The following DLGAP4 variants were observed in gnomAD, a reference collection of about 807,000 sequenced individuals.
DLGAP4 encodes the protein DLG associated protein 4.
DLGAP4 carries 18 observed loss-of-function variants against 86.9 expected under a neutral mutation model. The observed-to-expected ratio is 0.21, with a 90% CI of 0.14 to 0.31. DLGAP4 has a LOEUF of 0.31. DLGAP4 is among the 10% of genes least tolerant of loss of function. DLGAP4 has a pLI of 1.00. For synonymous variants in DLGAP4, 548 were observed against 574.3 expected (o/e 0.95, Z 0.65); for missense variants, 1,085 against 1,362.6 (o/e 0.80, Z 3.21).
At chr20:36,371,666 G>A (rs150282616) in intron 2 of DLGAP4, among the ~76,000 whole-genome samples, 70 of 152,318 alleles carry the variant, frequency 4.6e-4, no homozygotes, top group Admixed American at 1.5e-3. Flanking sequence ...CAGCCACACC[G>A]TGGCGCCTGC....
intron 2 of DLGAP4, among the ~76,000 whole-genome samples, chr20:36,412,527 A>G (rs1341975354): frequency 6.6e-6 from 1 of 152,220 alleles, no homozygotes; most frequent in African/African-American, 2.4e-5. Flanking sequence ...CCTGGGTTCA[A>G]ATCCCAGCTC....
chr20:36,397,577 T>A (rs1381128762), intron 2 of DLGAP4, among the ~76,000 whole-genome samples: 2 of 152,242 alleles, frequency 1.3e-5, no homozygotes, highest in South Asian at 2.1e-4. Flanking sequence ...TTTCTTTTTT[T>A]AATATAAACA....
In DLGAP4 at chr20:36,500,140, C is replaced by G; in HGVS notation, c.2100-59C>G. The G allele has an allele frequency of 6.7e-7, 1 of 1,500,126 alleles. No homozygotes were observed. Among genetic ancestry groups the G allele is most frequent in the Non-Finnish European group, 8.9e-7 (1 of 1,121,456 alleles). The allele number at this position is 1,500,126 out of a possible 1,614,324, so 92.9% of individuals were successfully genotyped here. A position where few individuals can be genotyped will look rare whatever the true frequency, so the allele number is the denominator to read the frequency against. On this transcript the variant is annotated intron_variant, in intron 9 of 12. Transcript: ENST00000339266. The surrounding 1 kb of genome is among the most constrained non-coding windows in gnomAD (Gnocchi z 4.6). ...TCCGGGTCAAGGCGGCCTCTGGTCT[C>G]TGGCCCTCTTGGTGACTCACTCCTT...
chr20:36,331,371 A>G (rs1487661865), intron 1 of DLGAP4, among the ~76,000 whole-genome samples: 1 of 152,210 alleles, frequency 6.6e-6, no homozygotes, highest in Non-Finnish European at 1.5e-5. Context: ...CCTCCAGCTC[A>G]CCGATGGCCT....
chr20:36,426,463 C>T (rs978771895), intron 2 of DLGAP4, among the ~76,000 whole-genome samples: 3 of 151,570 alleles, frequency 2.0e-5, no homozygotes, highest in Non-Finnish European at 2.9e-5. Context: ...TGCAGTGAGC[C>T]GAGATCGCAC....
chr20:36,452,813 T>C (rs2033773482), intron 7 of DLGAP4, among the ~76,000 whole-genome samples: 2 of 151,350 alleles, frequency 1.3e-5, no homozygotes, highest in East Asian at 1.9e-4. Flanking sequence ...CTTGGCCTTT[T>C]TCTTGTGTAA....
At position 36,510,064 on chromosome 20, in the gene DLGAP4, T is replaced by C. The variant is rs1194325440; in HGVS notation, c.2512+9453T>C. The stretch of plus-strand genomic sequence containing the variant: ...GTTGGTCAGGCTGGTCTCGAACTCC[T>C]GACCTCAAGTGATCCGCCTGCCTCA... On this transcript the variant is annotated intron_variant, in intron 10 of 12. Coordinates refer to ENST00000339266, the MANE Select transcript of DLGAP4 (RefSeq NM_001365621.2). Among the ~76,000 whole-genome samples, 9 of 152,028 alleles carry C rather than the reference T, an allele frequency of 5.9e-5. No homozygotes were observed. In the East Asian group the frequency reaches 1.7e-3, roughly 30 times the overall value.
chr20:36,439,224 A>C (rs1162242857), intron 4 of DLGAP4, among the ~76,000 whole-genome samples: 1 of 152,118 alleles, frequency 6.6e-6, no homozygotes, highest in African/African-American at 2.4e-5. Context: ...CCCATTTTAG[A>C]GATGAGGAAA....
rs564425045 is a variant in DLGAP4, at chr20:36,325,536, G to A, written c.-304+19024G>A. Among the ~76,000 whole-genome samples the A allele has an allele frequency of 2.0e-5, 3 of 152,216 alleles. No homozygotes were observed. The South Asian group carries it at 6.2e-4, about 32-fold the overall frequency. ...ACTTGCTCTACCAATTATTGAGAGA[G>A]AGCTATAGACATCTCTGACTATAAT... On this transcript the variant is annotated intron_variant, in intron 1 of 12. Coordinates refer to ENST00000339266, the MANE Select transcript of DLGAP4 (RefSeq NM_001365621.2).
intron 2 of DLGAP4, among the ~76,000 whole-genome samples, chr20:36,398,817 T>C (rs2032072018): frequency 6.6e-6 from 1 of 152,186 alleles, no homozygotes; most frequent in Non-Finnish European, 1.5e-5. Flanking sequence ...TCTCAGCCAC[T>C]ATGCTGTGGT....
intron 1 of DLGAP4, among the ~76,000 whole-genome samples, chr20:36,322,926 A>G (rs1282655556): frequency 6.6e-6 from 1 of 152,030 alleles, no homozygotes; most frequent in Non-Finnish European, 1.5e-5. Flanking sequence ...TGTAATCCCA[A>G]CACTTTGGGA....
chr20:36,351,035 C>G (rs782423176), intron 1 of DLGAP4, among the ~76,000 whole-genome samples: 1 of 152,256 alleles, frequency 6.6e-6, no homozygotes, highest in East Asian at 1.9e-4. Context: ...GCCTGCCCTC[C>G]GGCGAGTGAC....
At chr20:36,447,770 A>C (rs2033630726) in intron 7 of DLGAP4, among the ~76,000 whole-genome samples, 1 of 151,860 alleles carries the variant, frequency 6.6e-6, no homozygotes, top group South Asian at 2.1e-4. Flanking sequence ...GTGATCAGAG[A>C]AAAAAGGGGA....
In DLGAP4 at chr20:36,500,366, C is replaced by T. The variant is rs748985270; in HGVS notation, c.2267C>T (p.Ala756Val). ...GGTCCCCGGCAGGCCCCCAAGATTG[C>T]CCAGATCAAGCGCAACCTCTCCTAT... ...DAGPRQAPKI[A>V]QIKRNLSYGD... Residue 756 changes from alanine to valine, a missense_variant, in exon 10 of 13, where the codon GCC becomes GTC. By Grantham distance (64) the Ala-to-Val change is moderately conservative (BLOSUM62 0). This residue lies in a region of DLGAP4 where 1,082 missense variants were observed against 1,344.1 expected (regional missense o/e 0.81). Transcript: ENST00000339266. This position sits in a 1 kb window ranked among gnomAD's most constrained non-coding sequence, Gnocchi z 4.6. The T allele has an allele frequency of 6.2e-7, 1 of 1,611,532 alleles. No individual in the cohort carries two copies. The highest frequency in any genetic ancestry group is 1.3e-5 in the African/African-American group (1 of 75,036).
intron 10 of DLGAP4, among the ~76,000 whole-genome samples, chr20:36,501,536 T>C (rs1364312092): frequency 6.6e-6 from 1 of 152,174 alleles, no homozygotes; most frequent in Non-Finnish European, 1.5e-5. Context: ...TAGACACGTG[T>C]AGGGAGCCTA....
intron 10 of DLGAP4, chr20:36,511,101 C>G (rs1022530138): frequency 3.3e-5 from 5 of 152,208 alleles, no homozygotes; most frequent in African/African-American, 1.2e-4. Context: ...ATCTTCTCAA[C>G]TATAAGTCAA....
chr20:36,519,001 C>T (rs2037204072), intron 10 of DLGAP4, among the ~76,000 whole-genome samples: 1 of 151,482 alleles, frequency 6.6e-6, no homozygotes, highest in Non-Finnish European at 1.5e-5. Context: ...CCTGTAGTCC[C>T]AGCTACTTGG....
chr20:36,315,796 A>G (rs1197688960), intron 1 of DLGAP4, among the ~76,000 whole-genome samples: 1 of 152,208 alleles, frequency 6.6e-6, no homozygotes, highest in East Asian at 1.9e-4. Context: ...CCACTCCCCA[A>G]GCCTTCCCGG....
At chr20:36,403,408 G>A (rs1915426170) in intron 2 of DLGAP4, among the ~76,000 whole-genome samples, 1 of 152,204 alleles carries the variant, frequency 6.6e-6, no homozygotes, top group African/African-American at 2.4e-5. Context: ...TTCAACATGA[G>A]TTTTAGAGAG....
Sources: gnomAD v4.1 joint callset for allele counts (sites outside exome capture counted in the v4.1 genomes callset) on GRCh38, gnomAD v4.1.1 for gene constraint, gnomAD v4.1.1 regional missense constraint, Gnocchi (gnomAD v3.1) non-coding constraint, MANE v1.5 for transcripts, NCBI Gene and HGNC (gene_info 2026-07-23, HGNC 2026-07-21) for gene names.